Variants in EEFSEC observed in about 807,000 individuals in gnomAD.
EEFSEC encodes the protein selenocysteine-specific elongation factor.
A neutral mutation model predicts 42.1 loss-of-function variants in EEFSEC; 43 were observed. That is an observed-to-expected ratio of 1.02 (90% CI 0.80 to 1.32). The LOEUF is 1.32. EEFSEC is among the 40% of genes most tolerant of loss of function. The pLI is 0.00. For synonymous variants in EEFSEC, 354 were observed against 339.1 expected (o/e 1.04, Z -0.48); for missense variants, 745 against 803.6 (o/e 0.93, Z 0.88).
chr3:128,404,473 C>T (rs1174121113), intron 6 of EEFSEC, among the ~76,000 whole-genome samples: 2 of 152,222 alleles, frequency 1.3e-5, no homozygotes, highest in Non-Finnish European at 1.5e-5. Flanking sequence ...GCACAGACGC[C>T]GGGGAGCCCC....
chr3:128,184,660 C>T (rs2065446521), intron 1 of EEFSEC, among the ~76,000 whole-genome samples: 2 of 152,154 alleles, frequency 1.3e-5, no homozygotes, highest in Admixed American at 6.6e-5. Context: ...CAAGTTATTA[C>T]TTAAATTTTG....
intron 1 of EEFSEC, among the ~76,000 whole-genome samples, chr3:128,217,000 G>A (rs2065817471): frequency 1.3e-5 from 2 of 152,144 alleles, no homozygotes; most frequent in Non-Finnish European, 2.9e-5. Flanking sequence ...TAGTATTATA[G>A]TAGATAATAA....
At chr3:128,248,735 A>G (rs2066153693) in intron 2 of EEFSEC, among the ~76,000 whole-genome samples, 1 of 152,210 alleles carries the variant, frequency 6.6e-6, no homozygotes, top group African/African-American at 2.4e-5. Flanking sequence ...CATTTACTAT[A>G]GAAATGGGAC....
At chr3:128,417,603 T>C in the EEFSEC span, among the ~76,000 whole-genome samples, 1 of 152,070 alleles carries the variant, frequency 6.6e-6, no homozygotes, top group African/African-American at 2.4e-5. This position sits in a 1 kb window ranked among gnomAD's most constrained non-coding sequence, Gnocchi z 4.3. Flanking sequence ...GGGACAGGGG[T>C]TTCTGTCCTT....
At chr3:128,205,865 T>C (rs1235702927) in intron 1 of EEFSEC, among the ~76,000 whole-genome samples, 2 of 152,228 alleles carry the variant, frequency 1.3e-5, no homozygotes, top group African/African-American at 4.8e-5. Context: ...AATTCTTTAG[T>C]GCATTACAAT....
chr3:128,245,697 C>T (rs1055514926), intron 1 of EEFSEC, among the ~76,000 whole-genome samples: 2 of 152,172 alleles, frequency 1.3e-5, no homozygotes, highest in Admixed American at 6.5e-5. Flanking sequence ...GTCTTCGATA[C>T]TAGTTGGCTG....
intron 4 of EEFSEC, among the ~76,000 whole-genome samples, chr3:128,327,840 G>A (rs1332977893): frequency 7.2e-5 from 11 of 152,236 alleles, no homozygotes; most frequent in African/African-American, 2.4e-4. Context: ...AGGAGGGGGC[G>A]GCTGCTATGG....
At chr3:128,367,700 A>G (rs920594542) in intron 6 of EEFSEC, 1 of 985,300 alleles carries the variant, frequency 1.0e-6, no homozygotes, top group African/African-American at 1.7e-5. Context: ...CCTTGAAACC[A>G]GACCCAGAGA....
At chr3:128,284,924 A>G (rs1308401488) in intron 4 of EEFSEC, among the ~76,000 whole-genome samples, 1 of 147,082 alleles carries the variant, frequency 6.8e-6, no homozygotes, top group African/African-American at 2.5e-5. Context: ...TTTTTTTTTT[A>G]ATGCAATATG....
At chr3:128,206,028 A>G (rs1029368344) in intron 1 of EEFSEC, among the ~76,000 whole-genome samples, 1 of 152,208 alleles carries the variant, frequency 6.6e-6, no homozygotes, top group South Asian at 2.1e-4. Flanking sequence ...TTACAATGCA[A>G]TGTAATGTTG....
chr3:128,226,043 A>T (rs759921688), intron 1 of EEFSEC, among the ~76,000 whole-genome samples: 2 of 152,240 alleles, frequency 1.3e-5, no homozygotes, highest in East Asian at 3.8e-4. Flanking sequence ...CAGAGCCCCA[A>T]TAAGAATCGG....
intron 4 of EEFSEC, among the ~76,000 whole-genome samples, chr3:128,303,291 A>G (rs577629484): frequency 1.3e-5 from 2 of 152,236 alleles, no homozygotes; most frequent in South Asian, 4.1e-4. Flanking sequence ...GTTGATAAAT[A>G]TTGCCTAATT....
chr3:128,244,204 C>A (rs1373370479), intron 1 of EEFSEC, among the ~76,000 whole-genome samples: 4 of 152,224 alleles, frequency 2.6e-5, no homozygotes, highest in Non-Finnish European at 5.9e-5. Context: ...TCTCATCCTG[C>A]CTCAAGACCC....
At chr3:128,425,623 C>A in the EEFSEC span, among the ~76,000 whole-genome samples, 1 of 152,228 alleles carries the variant, frequency 6.6e-6, no homozygotes, top group Admixed American at 6.5e-5. Flanking sequence ...ACCTTTCACT[C>A]AACACATTCC....
intron 4 of EEFSEC, among the ~76,000 whole-genome samples, chr3:128,266,117 C>T (rs2066351438): frequency 6.6e-6 from 1 of 152,172 alleles, no homozygotes; most frequent in Non-Finnish European, 1.5e-5. Context: ...TTAAGGCCTT[C>T]AACTGATTGG....
At chr3:128,391,579 A>T (rs373869957) in intron 6 of EEFSEC, among the ~76,000 whole-genome samples, 1 of 152,176 alleles carries the variant, frequency 6.6e-6, no homozygotes, top group Admixed American at 6.5e-5. Context: ...AAGCGCTTTG[A>T]AGCAAGCCAA....
intron 4 of EEFSEC, among the ~76,000 whole-genome samples, chr3:128,298,686 TTCTG>T (rs1248114402): frequency 6.6e-6 from 1 of 152,208 alleles, no homozygotes; most frequent in Non-Finnish European, 1.5e-5. Flanking sequence ...ATCTTATTCC[TTCTG>T]TCTAACTCTG....
intron 4 of EEFSEC, among the ~76,000 whole-genome samples, chr3:128,295,393 T>C (rs2066692046): frequency 6.8e-6 from 1 of 147,250 alleles, no homozygotes; most frequent in African/African-American, 2.5e-5. Context: ...CCGTATCTCA[T>C]AACAGGAAAC....
intron 6 of EEFSEC, among the ~76,000 whole-genome samples, chr3:128,389,682 G>C (rs1435827571): frequency 6.6e-6 from 1 of 152,264 alleles, no homozygotes; most frequent in African/African-American, 2.4e-5. Context: ...GGACGTGGTT[G>C]TTTCATGGAC....
Sources: gnomAD v4.1 joint callset for allele counts (sites outside exome capture counted in the v4.1 genomes callset) on GRCh38, gnomAD v4.1.1 for gene constraint, Gnocchi (gnomAD v3.1) non-coding constraint, MANE v1.5 for transcripts, NCBI Gene and HGNC (gene_info 2026-07-23, HGNC 2026-07-21) for gene names.